Variants in SUFU observed in about 807,000 individuals in gnomAD.
SUFU encodes suppressor of fused homolog.
In SUFU, 7 loss-of-function variants were observed where a neutral mutation model predicts 58.9. That is an observed-to-expected ratio of 0.12 (90% CI 0.07 to 0.22). The LOEUF (loss-of-function observed/expected upper bound fraction) is 0.22. SUFU is among the 10% of genes least tolerant of loss of function. The pLI, the probability that SUFU is intolerant of heterozygous loss-of-function variation, is 1.00. For missense variants in SUFU, 451 were observed against 641.3 expected, an observed-to-expected ratio of 0.70 and a Z score of 3.20; for synonymous variants, 232 against 254.8, an observed-to-expected ratio of 0.91 and a Z score of 0.85.
At chr10:102,586,221 G>A (rs745855002) in intron 3 of SUFU, among the ~76,000 whole-genome samples, 1 of 152,002 alleles carries the variant, frequency 6.6e-6, no homozygotes, top group Non-Finnish European at 1.5e-5. Context: ...AATATATTCA[G>A]ATCCTTTGCT....
chr10:102,529,497 G>T (rs981327191), intron 2 of SUFU, among the ~76,000 whole-genome samples: 2 of 152,208 alleles, frequency 1.3e-5, no homozygotes, highest in Admixed American at 6.5e-5. Flanking sequence ...GTTGCAGCCA[G>T]GCTCAGTGGC....
chr10:102,535,843 CTA>C (rs911399884), intron 2 of SUFU, among the ~76,000 whole-genome samples: 3 of 152,256 alleles, frequency 2.0e-5, no homozygotes, highest in Admixed American at 2.0e-4. Context: ...TAGCAACAGA[CTA>C]TGTGAAGCCT....
chr10:102,582,880 G>A (rs1415323308), intron 3 of SUFU, among the ~76,000 whole-genome samples: 11 of 152,150 alleles, frequency 7.2e-5, no homozygotes, highest in Admixed American at 7.2e-4. Context: ...GTGCGGGGGA[G>A]CCTCTGCTGT....
intron 2 of SUFU, among the ~76,000 whole-genome samples, chr10:102,548,964 A>C (rs980782869): frequency 6.6e-6 from 1 of 152,214 alleles, no homozygotes; most frequent in African/African-American, 2.4e-5. Context: ...ATTGAAGAGT[A>C]CATGTGGAGT....
At chr10:102,590,796 G>A (rs1183325876) in intron 3 of SUFU, 1 of 152,148 alleles carries the variant, frequency 6.6e-6, no homozygotes, top group African/African-American at 2.4e-5. Flanking sequence ...CTGTTGCATT[G>A]TTTCTTGCTT....
At chr10:102,521,806 T>G (rs1172108858) in intron 2 of SUFU, among the ~76,000 whole-genome samples, 2 of 152,258 alleles carry the variant, frequency 1.3e-5, no homozygotes, top group Non-Finnish European at 2.9e-5. Flanking sequence ...GTTAAATTCG[T>G]TATTGTTATC....
At chr10:102,607,267 C>G (rs1030947025) in intron 8 of SUFU, among the ~76,000 whole-genome samples, 32 of 152,152 alleles carry the variant, frequency 2.1e-4, no homozygotes, top group African/African-American at 6.7e-4. Context: ...CCAGGCTGGC[C>G]TTGAACTCCT....
intron 2 of SUFU, among the ~76,000 whole-genome samples, chr10:102,539,125 A>G (rs554723733): frequency 6.6e-6 from 1 of 152,356 alleles, no homozygotes; most frequent in East Asian, 1.9e-4. Context: ...TGGGCAAACA[A>G]GACAAGTTGG....
chr10:102,516,640 C>T (rs1178346522), intron 2 of SUFU, among the ~76,000 whole-genome samples: 1 of 151,968 alleles, frequency 6.6e-6, no homozygotes, highest in East Asian at 2.0e-4. Flanking sequence ...CTCCACCTCC[C>T]GGGTTCAAGC....
intron 3 of SUFU, among the ~76,000 whole-genome samples, chr10:102,558,542 G>A (rs1348969503): frequency 6.6e-6 from 1 of 152,210 alleles, no homozygotes; most frequent in African/African-American, 2.4e-5. Flanking sequence ...TTCTACATCA[G>A]TTCTGGGGTA....
At chr10:102,602,915 C>T (rs528023481) in intron 8 of SUFU, among the ~76,000 whole-genome samples, 24 of 152,320 alleles carry the variant, frequency 1.6e-4, no homozygotes, top group Admixed American at 1.5e-3. Flanking sequence ...TTGCTGGCGC[C>T]TCCCTTCCCA....
intron 2 of SUFU, among the ~76,000 whole-genome samples, chr10:102,535,479 C>A (rs117449769): frequency 0.01 from 1,309 of 129,110 alleles, 5 homozygotes; most frequent in Non-Finnish European, 0.015. Context: ...CGTGAGACTC[C>A]GTCTCAAAAA....
chr10:102,555,724 T>C (rs1481133786), intron 3 of SUFU, among the ~76,000 whole-genome samples: 1 of 152,280 alleles, frequency 6.6e-6, no homozygotes, highest in East Asian at 1.9e-4. Flanking sequence ...TTTTGTAAGA[T>C]TGGGTGTAGG....
At chr10:102,507,371 A>T (rs2062340523) in intron 1 of SUFU, among the ~76,000 whole-genome samples, 1 of 152,292 alleles carries the variant, frequency 6.6e-6, no homozygotes, top group East Asian at 1.9e-4. Flanking sequence ...TGGGGCCTGT[A>T]GTGGCTCTCA....
rs1004830813 is a variant in SUFU at position 102,614,524 on chromosome 10, C to T, written c.1023-744C>T. On this transcript the variant is annotated intron_variant, in intron 8 of 11. Coordinates refer to ENST00000369902, the MANE Select transcript of SUFU (RefSeq NM_016169.4). Reference sequence around the variant, plus strand: ...AGTGAGCCAAGATCGTGCCACTGCACTCCAGCCTGGGTGACACGGCGAGAT... The same window carrying T: ...AGTGAGCCAAGATCGTGCCACTGCATTCCAGCCTGGGTGACACGGCGAGAT... 4.7e-5 allele frequency among the ~76,000 whole-genome samples: 7 copies of T among 150,382 alleles called. 1 individual carries two copies. Among genetic ancestry groups the T allele is most frequent in the Non-Finnish European group, 1.0e-4 (7 of 67,730 alleles).
At chr10:102,520,635 A>G (rs2062540733) in intron 2 of SUFU, among the ~76,000 whole-genome samples, 1 of 152,154 alleles carries the variant, frequency 6.6e-6, no homozygotes, top group African/African-American at 2.4e-5. Context: ...CCCTCCCCCG[A>G]AACCCCTGGC....
intron 10 of SUFU, among the ~76,000 whole-genome samples, chr10:102,624,165 C>T (rs919508879): frequency 6.6e-6 from 1 of 152,164 alleles, no homozygotes; most frequent in African/African-American, 2.4e-5. Context: ...TTATTCGTGA[C>T]AGAGCCAAGC....
intron 2 of SUFU, among the ~76,000 whole-genome samples, chr10:102,542,870 C>T (rs11191324): frequency 0.043 from 6,604 of 152,246 alleles, 457 homozygotes; most frequent in African/African-American, 0.15. Context: ...AGCAATCTAC[C>T]GGCTTTGGCC....
Position 102,632,295 on chromosome 10 carries a change from G to T in SUFU, c.*2140G>T, listed in dbSNP as rs543282016. On this transcript the variant is annotated 3_prime_UTR_variant, in exon 12 of 12. Coordinates refer to ENST00000369902, the MANE Select transcript of SUFU (RefSeq NM_016169.4). ...CCAGCCAGCATGGTGGCCCTGTTCT[G>T]GGGGAGCAGGGTAAGGCAGGAGGAA... 3.3e-4 allele frequency: 76 copies of T among 233,334 alleles called. No homozygotes were observed. The South Asian group carries it at 3.6e-3, about 11-fold the overall frequency. The allele number at this position is 233,334 out of a possible 1,614,324, so 14.5% of individuals were successfully genotyped here.
Sources: gnomAD v4.1 joint callset for allele counts (sites outside exome capture counted in the v4.1 genomes callset) on GRCh38, gnomAD v4.1.1 for gene constraint, MANE v1.5 for transcripts, NCBI Gene and HGNC (gene_info 2026-07-23, HGNC 2026-07-21) for gene names.